Variants in PRKCB observed in about 807,000 individuals in gnomAD.
PRKCB encodes the protein protein kinase C beta type.
PRKCB carries 13 observed loss-of-function variants against 81.5 expected under a neutral mutation model. The ratio of observed to expected loss-of-function variants is 0.16; its 90% confidence interval spans 0.10 to 0.25. The LOEUF (loss-of-function observed/expected upper bound fraction) is 0.25, where lower values mean the gene tolerates loss of function less well. PRKCB is among the 10% of genes least tolerant of loss of function. PRKCB has a pLI of 1.00. For synonymous variants in PRKCB, 335 were observed against 321.4 expected, an observed-to-expected ratio of 1.04 and a Z score of -0.45; for missense variants, 509 against 875.7, an observed-to-expected ratio of 0.58 and a Z score of 5.29.
rs1968271646 is a variant in PRKCB at position 24,218,683 on chromosome 16, G to A, written c.*3867G>A. The A allele has an allele frequency of 2.0e-6, 2 of 985,354 alleles. No homozygotes were observed. The highest frequency in any genetic ancestry group is 2.4e-6 in the Non-Finnish European group (2 of 829,958). The allele number at this position is 985,354 out of a possible 1,614,324, so 61.0% of individuals were successfully genotyped here. ...CTTAACAGCTAGTGCCCATTAGGGG[G>A]CTAAACCTAAAGCCTGGGTGGTGAT... On this transcript the variant is annotated 3_prime_UTR_variant, in exon 17 of 17. Coordinates refer to ENST00000643927, the MANE Select transcript of PRKCB (RefSeq NM_002738.7).
At chr16:24,062,867 T>G (rs1965990299) in intron 5 of PRKCB, among the ~76,000 whole-genome samples, 1 of 152,030 alleles carries the variant, frequency 6.6e-6, no homozygotes, top group Non-Finnish European at 1.5e-5. Flanking sequence ...ATCCACTCTG[T>G]GATCTTCTCT....
intron 9 of PRKCB, among the ~76,000 whole-genome samples, chr16:24,128,144 A>T (rs890356286): frequency 7.9e-5 from 12 of 152,146 alleles, no homozygotes; most frequent in African/African-American, 2.9e-4. Flanking sequence ...TGGGAGGCCA[A>T]GGTGGGCAGA....
chr16:24,096,710 C>T (rs549811203), intron 7 of PRKCB, among the ~76,000 whole-genome samples: 2 of 106,900 alleles, frequency 1.9e-5, no homozygotes, highest in South Asian at 3.9e-4. Flanking sequence ...TATATATCCT[C>T]CAATGTTACC....
intron 2 of PRKCB, among the ~76,000 whole-genome samples, chr16:23,956,722 G>A (rs1484416420): frequency 6.6e-6 from 1 of 152,120 alleles, no homozygotes; most frequent in Admixed American, 6.5e-5. Flanking sequence ...CTATTGTTAA[G>A]CCATGAAACA....
chr16:24,171,913 G>GT (rs1170241218), intron 10 of PRKCB, among the ~76,000 whole-genome samples: 12 of 151,450 alleles, frequency 7.9e-5, no homozygotes, highest in South Asian at 6.3e-4. Flanking sequence ...TTTGTATTTT[G>GT]TTTTTTTTCA....
At chr16:23,950,137 T>TTTTC (rs1964259006) in intron 2 of PRKCB, among the ~76,000 whole-genome samples, 3 of 138,104 alleles carry the variant, frequency 2.2e-5, no homozygotes, top group Non-Finnish European at 4.7e-5. Flanking sequence ...TTTGAATTTT[T>TTTTC]TTTTTTTTTT....
intron 2 of PRKCB, among the ~76,000 whole-genome samples, chr16:23,896,331 T>C (rs544445017): frequency 6.6e-6 from 1 of 152,332 alleles, no homozygotes; most frequent in Admixed American, 6.5e-5. Flanking sequence ...ATTGAATTAA[T>C]TGATTGATTC....
At chr16:23,939,673 C>G (rs1340762100) in intron 2 of PRKCB, among the ~76,000 whole-genome samples, 2 of 152,114 alleles carry the variant, frequency 1.3e-5, no homozygotes, top group South Asian at 2.1e-4. Flanking sequence ...AACCTCAGCC[C>G]AAGTCTTGCA....
chr16:23,844,632 C>T (rs1257569590), intron 2 of PRKCB, among the ~76,000 whole-genome samples: 5 of 151,928 alleles, frequency 3.3e-5, no homozygotes, highest in Non-Finnish European at 7.4e-5. Context: ...CTCAGCCTCC[C>T]GAGTAGCTGG....
At chr16:23,962,745 TTC>T (rs72342706) in intron 2 of PRKCB, among the ~76,000 whole-genome samples, 3,033 of 151,872 alleles carry the variant, frequency 0.02, 91 homozygotes, top group African/African-American at 0.071. Context: ...TGTTTTTTTT[TTC>T]TTTTATTTTA....
intron 2 of PRKCB, among the ~76,000 whole-genome samples, chr16:23,857,040 T>G (rs1319664197): frequency 2.0e-5 from 3 of 152,216 alleles, no homozygotes; most frequent in Non-Finnish European, 4.4e-5. Flanking sequence ...TGCTTTGAAT[T>G]CTTTATAATT....
chr16:23,933,171 A>G (rs913652132), intron 2 of PRKCB, among the ~76,000 whole-genome samples: 1 of 152,146 alleles, frequency 6.6e-6, no homozygotes, highest in Non-Finnish European at 1.5e-5. Context: ...CACTGGACCC[A>G]GTTTGGGTCA....
In PRKCB at chr16:24,149,332, G is replaced by A. The variant is rs535609141; in HGVS notation, c.1066-5352G>A. The stretch of plus-strand genomic sequence containing the variant: ...ACCTCTATAAAGTATCACTTCCTTC[G>A]TGCTATGGGGACAGCTCTCAAAATG... On this transcript the variant is annotated intron_variant, in intron 9 of 16. Coordinates refer to ENST00000643927, the MANE Select transcript of PRKCB (RefSeq NM_002738.7). Among the ~76,000 whole-genome samples the A allele has an allele frequency of 4.0e-4, 61 of 152,224 alleles. 2 individuals are homozygous for A. The South Asian group carries it at 0.011, about 28-fold the overall frequency.
rs975667798 is a variant in PRKCB, at chr16:24,212,461, C to CTTTTTTTTTTTTT, written c.1864-2183_1864-2171dup. Among the ~76,000 whole-genome samples the CTTTTTTTTTTTTT allele has an allele frequency of 8.1e-4, 63 of 78,028 alleles. 3 individuals carry two copies. In the East Asian group the frequency reaches 0.017, roughly 21 times the overall value. 51.2% of individuals were successfully genotyped at this position (78,028 alleles called of 152,430 possible). ...CTCTCTCCTCCTGTGCTTTTTTTTC[C>CTTTTTTTTTTTTT]TTTTTTTTTTTTTTTTTTTTTTTTT... On this transcript the variant is annotated intron_variant, in intron 16 of 16. Coordinates refer to ENST00000643927, the MANE Select transcript of PRKCB (RefSeq NM_002738.7).
At chr16:23,922,454 T>C (rs2141746988) in intron 2 of PRKCB, among the ~76,000 whole-genome samples, 1 of 152,360 alleles carries the variant, frequency 6.6e-6, no homozygotes, top group East Asian at 1.9e-4. Context: ...AAAAGATGTC[T>C]CTAGGCTAGA....
Position 23,943,491 on chromosome 16 carries a change from T to A in PRKCB, c.206-45017T>A, listed in dbSNP as rs111275509. 2.4e-4 allele frequency among the ~76,000 whole-genome samples: 36 copies of A among 152,324 alleles called. 1 individual carries two copies. The highest frequency in any genetic ancestry group is 4.1e-4 in the South Asian group (2 of 4,828). Reference sequence around the variant, plus strand: ...TTGCAGTGAGCCATGATTGTGCCACTGCATTTCAGCCTGGGTGATAGAGTG... The same window carrying A: ...TTGCAGTGAGCCATGATTGTGCCACAGCATTTCAGCCTGGGTGATAGAGTG... On this transcript the variant is annotated intron_variant, in intron 2 of 16. Transcript: ENST00000643927.
intron 9 of PRKCB, among the ~76,000 whole-genome samples, chr16:24,149,200 G>T (rs1309719479): frequency 6.6e-6 from 1 of 152,174 alleles, no homozygotes; most frequent in African/African-American, 2.4e-5. Flanking sequence ...GTCTTGCAGG[G>T]TCTCTTCACC....
rs140308202 is a variant in PRKCB, at chr16:24,108,283, ATT to A, written c.822-4683_822-4682del. On this transcript the variant is annotated intron_variant, in intron 7 of 16. Coordinates refer to ENST00000643927, the MANE Select transcript of PRKCB (RefSeq NM_002738.7). ...TTTGTCCCCAATCTTTTATTTATTT[ATT>A]TTTTTTATTATTTTTTTTTAATTGA... Among the ~76,000 whole-genome samples the A allele has an allele frequency of 3.2e-3, 373 of 116,310 alleles. 1 individual carries two copies. The highest frequency in any genetic ancestry group is 0.015 in the African/African-American group (320 of 21,542). 76.3% of individuals were successfully genotyped at this position (116,310 alleles called of 152,430 possible).
chr16:24,055,853 C>T (rs527667721), intron 5 of PRKCB, among the ~76,000 whole-genome samples: 4 of 152,256 alleles, frequency 2.6e-5, no homozygotes, highest in South Asian at 4.1e-4. Context: ...CTCTCTCTCT[C>T]GAAATATAAA....
Sources: allele counts gnomAD v4.1 joint callset (sites outside exome capture counted in the v4.1 genomes callset), GRCh38; gene constraint gnomAD v4.1.1; transcripts MANE v1.5; gene names NCBI Gene and HGNC (gene_info 2026-07-23, HGNC 2026-07-21).